Variants in HAVCR2 observed in about 807,000 individuals in gnomAD.
HAVCR2 encodes T cell immunoglobulin mucin 3.
Under a neutral mutation model 24.7 loss-of-function variants are expected in HAVCR2, and 13 were observed. The observed-to-expected ratio is 0.53, with a 90% CI of 0.34 to 0.84. The LOEUF (loss-of-function observed/expected upper bound fraction) is 0.84, where lower values mean the gene tolerates loss of function less well. Ranked by LOEUF, HAVCR2 falls within the 40% of genes least tolerant of loss-of-function variation. The pLI is 0.01. For synonymous variants in HAVCR2, 154 were observed against 143.4 expected (o/e 1.07, Z -0.53); for missense variants, 343 against 371.2 (o/e 0.92, Z 0.62).
chr5:157,097,010 T>C (rs1757103934), intron 4 of HAVCR2, among the ~76,000 whole-genome samples: 1 of 151,922 alleles, frequency 6.6e-6, no homozygotes, highest in Non-Finnish European at 1.5e-5. Context: ...GGAAGTTAAA[T>C]CTTCCATTTA....
chr5:157,103,869 T>A (rs1178666789), intron 3 of HAVCR2, among the ~76,000 whole-genome samples: 4 of 152,172 alleles, frequency 2.6e-5, no homozygotes, highest in Admixed American at 2.6e-4. Context: ...TTAACCACAA[T>A]CTCACTGTGC....
intron 3 of HAVCR2, among the ~76,000 whole-genome samples, chr5:157,099,841 G>A (rs959986064): frequency 1.3e-5 from 2 of 152,058 alleles, no homozygotes; most frequent in East Asian, 3.9e-4. Flanking sequence ...GACTACAGGG[G>A]CACACCACCA....
chr5:157,087,417 C>T (rs978223092), intron 6 of HAVCR2, 123 bp from the exon 7 acceptor site: 37 of 695,060 alleles, frequency 5.3e-5, no homozygotes, highest in Admixed American at 8.7e-5. Flanking sequence ...TGATCAGATG[C>T]TGAACAAGTG....
intron 6 of HAVCR2, among the ~76,000 whole-genome samples, chr5:157,088,353 C>T (rs988351743): frequency 1.3e-5 from 2 of 152,158 alleles, no homozygotes; most frequent in Non-Finnish European, 2.9e-5. Context: ...AAGGTCAAGA[C>T]AGGAGTCTAT....
At chr5:157,106,254 C>A (rs534903761) in intron 2 of HAVCR2, 2 of 172,962 alleles carry the variant, frequency 1.2e-5, no homozygotes, top group Non-Finnish European at 2.5e-5. Context: ...CTTCAGCCCC[C>A]CAAGTAGCTA....
chr5:157,102,687 C>A (rs1044413751), intron 3 of HAVCR2, among the ~76,000 whole-genome samples: 4 of 151,998 alleles, frequency 2.6e-5, no homozygotes, highest in South Asian at 2.1e-4. Context: ...GTAATCCCAG[C>A]GCTTTGGGAG....
chr5:157,094,586 T>C (rs924850083), intron 5 of HAVCR2, among the ~76,000 whole-genome samples: 4 of 151,690 alleles, frequency 2.6e-5, no homozygotes, highest in Non-Finnish European at 5.9e-5. Flanking sequence ...TCTCACCATG[T>C]TGGCCAAGCT....
intron 3 of HAVCR2, among the ~76,000 whole-genome samples, chr5:157,099,696 T>TC (rs933947878): frequency 3.9e-5 from 6 of 152,092 alleles, no homozygotes; most frequent in Admixed American, 1.3e-4. Flanking sequence ...ATGTTCTTTT[T>TC]CTTTTTTTTC....
At chr5:157,091,017 T>C (rs1756991561) in intron 5 of HAVCR2, among the ~76,000 whole-genome samples, 1 of 152,088 alleles carries the variant, frequency 6.6e-6, no homozygotes. Flanking sequence ...CCCTAAGGAA[T>C]CTCAACATCT....
At chr5:157,095,097 T>G (rs1234924493) in intron 5 of HAVCR2, among the ~76,000 whole-genome samples, 1 of 152,174 alleles carries the variant, frequency 6.6e-6, no homozygotes, top group Non-Finnish European at 1.5e-5. Flanking sequence ...GATGATAAAA[T>G]GTATGTAAAA....
chr5:157,108,806 T>G, intron 1 of HAVCR2, 120 bp downstream of exon 1: 1 of 799,254 alleles, frequency 1.3e-6, no homozygotes, highest in East Asian at 2.5e-5. Flanking sequence ...TCGACGGACA[T>G]TTAGGTTGCT....
rs374018243 is a variant in HAVCR2 at position 157,095,404 on chromosome 5, C to T, written c.578G>A (p.Arg193Gln). 8.1e-6 allele frequency: 13 copies of T among 1,613,938 alleles called. No individual in the cohort carries two copies. Among genetic ancestry groups the T allele is most frequent in the South Asian group, 3.3e-5 (3 of 91,086 alleles). ...LRDSRLANDLRDSGATIRIGI... is the reference protein window; with the variant it reads ...LRDSRLANDLQDSGATIRIGI... Reference sequence around the variant, plus strand: ...TATTCTGATGGTTGCTCCAGAGTCCCGTAAGTCATTGGCCAATCTAGAGTC... The same window carrying T: ...TATTCTGATGGTTGCTCCAGAGTCCTGTAAGTCATTGGCCAATCTAGAGTC... Residue 193 changes from arginine (R) to glutamine (Q), a missense_variant, in exon 5 of 7, where the codon CGG (arginine) becomes CAG (glutamine). Transcript: ENST00000307851.
intron 6 of HAVCR2, among the ~76,000 whole-genome samples, chr5:157,088,446 T>C (rs1041606492): frequency 2.6e-5 from 4 of 152,304 alleles, no homozygotes; most frequent in Middle Eastern, 3.4e-3. Context: ...TTAGGCTTCA[T>C]CCCCAGAGAT....
chr5:157,098,794 AG>A (rs1757128492), intron 4 of HAVCR2, 63 bp downstream of exon 4: 10 of 1,448,186 alleles, frequency 6.9e-6, no homozygotes, highest in Non-Finnish European at 9.6e-6. Flanking sequence ...GCATGAAGGA[AG>A]TCTAAAGCCA....
chr5:157,102,546 T>G (rs1376648600), intron 3 of HAVCR2, among the ~76,000 whole-genome samples: 2 of 152,224 alleles, frequency 1.3e-5, no homozygotes, highest in African/African-American at 4.8e-5. Context: ...TTCAATATTT[T>G]TTCTCAGTCA....
Position 157,087,127 on chromosome 5 carries a change from A to G in HAVCR2, c.881T>C (p.Leu294Ser). 1 of 1,613,632 alleles carries G rather than the reference A, an allele frequency of 6.2e-7. No individual in the cohort carries two copies. The highest frequency in any genetic ancestry group is 8.5e-7 in the Non-Finnish European group (1 of 1,179,910). Reference protein sequence around the residue: ...VSSRQQPSQPLGCRFAMP With the variant: ...VSSRQQPSQPSGCRFAMP ...CTATGGCATTGCAAAGCGACAACCCAAAGGTTGTGAGGGTTGCTGCCTGCT... is the reference window on the plus strand; with the variant it reads ...CTATGGCATTGCAAAGCGACAACCCGAAGGTTGTGAGGGTTGCTGCCTGCT... The change falls in exon 7 of 7, where the codon TTG (leucine) becomes TCG (serine). Residue 294 changes from leucine (L) to serine (S), a missense_variant. Physicochemically the swap from Leu to Ser is moderately radical, Grantham distance 145. Coordinates refer to ENST00000307851, the MANE Select transcript of HAVCR2 (RefSeq NM_032782.5).
intron 5 of HAVCR2, among the ~76,000 whole-genome samples, chr5:157,094,789 C>A (rs969233487): frequency 2.6e-5 from 4 of 152,002 alleles, no homozygotes; most frequent in Non-Finnish European, 5.9e-5. Flanking sequence ...ATTCTCTAAC[C>A]CCAGTCACGA....
rs1561619880 is a variant in HAVCR2 at position 157,092,913 on chromosome 5, A to AAAAAAAAAAAAAAAAT, written c.676+2392_676+2393insATTTTTTTTTTTTTTT. ...AAAAAAAAAAAAAAAAAAAAAAAAA[A>AAAAAAAAAAAAAAAAT]AAAAACTAGCCAGGTGTGGTGGCAT... is the stretch of plus-strand genomic sequence containing the variant. On this transcript the variant is annotated intron_variant, in intron 5 of 6. Transcript: ENST00000307851. 1.8e-4 allele frequency among the ~76,000 whole-genome samples: 22 copies of AAAAAAAAAAAAAAAAT among 123,030 alleles called. 2 individuals carry two copies. The highest frequency in any genetic ancestry group is 6.5e-4 in the African/African-American group (21 of 32,286). 80.7% of individuals were successfully genotyped at this position (123,030 alleles called of 152,430 possible).
chr5:157,091,844 G>T (rs1453513121), intron 5 of HAVCR2, among the ~76,000 whole-genome samples: 1 of 152,128 alleles, frequency 6.6e-6, no homozygotes, highest in Non-Finnish European at 1.5e-5. Flanking sequence ...GGTATGGATG[G>T]TCATCTCAGA....
Sources: allele counts gnomAD v4.1 joint callset (sites outside exome capture counted in the v4.1 genomes callset), GRCh38; gene constraint gnomAD v4.1.1; transcripts MANE v1.5; gene names NCBI Gene and HGNC (gene_info 2026-07-23, HGNC 2026-07-21).